Variants in NAV1 observed in about 807,000 individuals in gnomAD.
The protein encoded by NAV1 is pore membrane and/or filament interacting like protein 3.
Under a neutral mutation model 175.2 loss-of-function variants are expected in NAV1, and 18 were observed. The ratio of observed to expected loss-of-function variants is 0.10; its 90% CI spans 0.07 to 0.15. The LOEUF (loss-of-function observed/expected upper bound fraction) is 0.15, where lower values mean the gene tolerates loss of function less well. Among genes scored for constraint, NAV1 ranks in the 10% least tolerant of loss-of-function variants. The probability of loss-of-function intolerance (pLI) is 1.00; values close to 1 mark genes in which losing one functional copy is unlikely to be tolerated. For synonymous variants in NAV1, 897 were observed against 978.7 expected (o/e 0.92, Z 1.56); for missense variants, 1,731 against 2,436.6 (o/e 0.71, Z 6.10).
chr1:201,658,672 GA>G (rs776931926), intron 1 of NAV1, among the ~76,000 whole-genome samples: 16 of 152,146 alleles, frequency 1.1e-4, no homozygotes, highest in Non-Finnish European at 2.1e-4. Context: ...GAGTGGAAGA[GA>G]CCAATCAAAG....
intron 3 of NAV1, among the ~76,000 whole-genome samples, chr1:201,743,328 T>C (rs74741205): frequency 1.3e-5 from 2 of 152,196 alleles, no homozygotes; most frequent in Admixed American, 6.5e-5. Flanking sequence ...GCGACTTTAG[T>C]TGGAATGAGG....
At chr1:201,623,166 C>T (rs1293339898) in exon 1 of NAV1, 3 of 985,846 alleles carry the variant, frequency 3.0e-6, no homozygotes, top group Non-Finnish European at 3.6e-6. Flanking sequence ...ATGGGGAAGG[C>T]CCCTTCAGCT....
intron 2 of NAV1, among the ~76,000 whole-genome samples, chr1:201,713,778 C>A (rs995265411): frequency 1.1e-4 from 17 of 152,118 alleles, no homozygotes; most frequent in African/African-American, 4.1e-4. Flanking sequence ...GAAGTAGATT[C>A]CTCTCCAACT....
intron 1 of NAV1, among the ~76,000 whole-genome samples, chr1:201,545,130 C>T (rs1335218035): frequency 6.6e-6 from 1 of 152,324 alleles, no homozygotes; most frequent in East Asian, 1.9e-4. Context: ...TGCCTTACTC[C>T]TGGGACAATG....
chr1:201,696,582 C>A (rs189787764), intron 1 of NAV1, among the ~76,000 whole-genome samples: 2 of 152,354 alleles, frequency 1.3e-5, no homozygotes, highest in Admixed American at 6.5e-5. Context: ...TCCCTGTCTT[C>A]TGGCAGTTCT....
intron 2 of NAV1, among the ~76,000 whole-genome samples, chr1:201,591,904 C>A (rs985574029): frequency 6.6e-6 from 1 of 152,164 alleles, no homozygotes; most frequent in Admixed American, 6.5e-5. Flanking sequence ...TTGATTGCAG[C>A]CCCTACTCAG....
At chr1:201,706,622 T>C (rs1671681655) in intron 1 of NAV1, among the ~76,000 whole-genome samples, 1 of 152,202 alleles carries the variant, frequency 6.6e-6, no homozygotes, top group South Asian at 2.1e-4. Flanking sequence ...GTGCCATGAC[T>C]TGAAAACATT....
intron 17 of NAV1, among the ~76,000 whole-genome samples, chr1:201,806,518 T>C (rs990533939): frequency 3.3e-5 from 5 of 152,174 alleles, no homozygotes; most frequent in African/African-American, 1.2e-4. Flanking sequence ...CAGCTTGTCA[T>C]AGGATCTCTT....
intron 1 of NAV1, among the ~76,000 whole-genome samples, chr1:201,552,833 C>T (rs771732990): frequency 3.3e-5 from 5 of 152,170 alleles, no homozygotes; most frequent in African/African-American, 7.2e-5. Flanking sequence ...GACTATACTT[C>T]GGGGTAGATT....
At position 201,819,828 on chromosome 1, in the gene NAV1, C is replaced by G; in HGVS notation, c.5539-9C>G. 1 of 1,613,372 alleles carries G rather than the reference C, an allele frequency of 6.2e-7. No homozygotes were observed. Among genetic ancestry groups the G allele is most frequent in the Non-Finnish European group, 8.5e-7 (1 of 1,179,494 alleles). On this transcript the variant is annotated splice_polypyrimidine_tract_variant and intron_variant, in intron 29 of 29. Transcript: ENST00000367296. ...ACTCTCATAAATCCATCTTTTTGCC[C>G]CCCTTTAGATGGCCATGCTGCTGAA...
chr1:201,582,852 C>A (rs1337147577), intron 1 of NAV1, among the ~76,000 whole-genome samples: 1 of 152,202 alleles, frequency 6.6e-6, no homozygotes, highest in Non-Finnish European at 1.5e-5. Flanking sequence ...TGGCTAGGAG[C>A]CAGGTCTATT....
At chr1:201,727,922 A>G (rs916089181) in intron 3 of NAV1, among the ~76,000 whole-genome samples, 1 of 152,142 alleles carries the variant, frequency 6.6e-6, no homozygotes, top group Non-Finnish European at 1.5e-5. Context: ...GCTGAGAGGA[A>G]TTCCTGAGTT....
intron 1 of NAV1, among the ~76,000 whole-genome samples, chr1:201,554,999 T>C (rs987777837): frequency 6.6e-6 from 1 of 152,218 alleles, no homozygotes; most frequent in Non-Finnish European, 1.5e-5. Flanking sequence ...CACCGCTGCA[T>C]GGCCATCTCC....
At chr1:201,624,904 G>A (rs989636183) in intron 1 of NAV1, among the ~76,000 whole-genome samples, 1 of 152,204 alleles carries the variant, frequency 6.6e-6, no homozygotes, top group African/African-American at 2.4e-5. Flanking sequence ...AGCGGCTGGA[G>A]GTGGGGGTAG....
intron 2 of NAV1, among the ~76,000 whole-genome samples, chr1:201,609,738 C>T (rs563070779): frequency 9.9e-5 from 15 of 152,248 alleles, no homozygotes; most frequent in Non-Finnish European, 1.6e-4. Flanking sequence ...CCCAAGGTTC[C>T]GCTTACCTCT....
At chr1:201,586,641 T>G (rs1571833637) in intron 1 of NAV1, among the ~76,000 whole-genome samples, 1 of 149,568 alleles carries the variant, frequency 6.7e-6, no homozygotes, top group African/African-American at 2.5e-5. Flanking sequence ...CACATGGGGG[T>G]GGGAGAGGAA....
At position 201,751,712 on chromosome 1, in the gene NAV1, AG is replaced by A. The variant is rs1396853490; in HGVS notation, c.1227-28707del. Among the ~76,000 whole-genome samples the A allele has an allele frequency of 6.6e-5, 10 of 152,334 alleles. No homozygotes were observed. In the East Asian group the frequency reaches 1.9e-3, roughly 29 times the overall value. On this transcript the variant is annotated intron_variant, in intron 3 of 29. Transcript: ENST00000367296. ...TGGTAAAGCTGGCATTTACAGGTTAAGGTTTGAGAAGTTTAAATCCTTTCAG... is the reference window on the plus strand; with the variant it reads ...TGGTAAAGCTGGCATTTACAGGTTAAGTTTGAGAAGTTTAAATCCTTTCAG...
chr1:201,718,878 A>G lies in NAV1; in HGVS notation c.1226+123A>G, dbSNP rs1476731569. ...GTTTGCTGTGCTGCTATGAAAGTAC[A>G]CAAAAGTGTGCTGTGTACACTTTGT... On this transcript the variant is annotated intron_variant, in intron 3 of 29. Transcript: ENST00000367296. The surrounding 1 kb of genome is among the most constrained non-coding windows in gnomAD (Gnocchi z 4.8). The G allele has an allele frequency of 4.8e-6, 6 of 1,249,396 alleles. No individual in the cohort carries two copies. Among genetic ancestry groups the G allele is most frequent in the Admixed American group, 2.2e-5 (1 of 45,392 alleles). 77.4% of individuals were successfully genotyped at this position (1,249,396 alleles called of 1,614,324 possible).
At chr1:201,682,157 A>ATGCC (rs1036488526) in intron 1 of NAV1, among the ~76,000 whole-genome samples, 1 of 149,336 alleles carries the variant, frequency 6.7e-6, no homozygotes, top group Non-Finnish European at 1.5e-5. Flanking sequence ...ATGGTGGCAC[A>ATGCC]TGCCTGTAAT....
Sources: gnomAD v4.1 joint callset for allele counts (sites outside exome capture counted in the v4.1 genomes callset) on GRCh38, gnomAD v4.1.1 for gene constraint, Gnocchi (gnomAD v3.1) non-coding constraint, MANE v1.5 for transcripts, NCBI Gene and HGNC (gene_info 2026-07-23, HGNC 2026-07-21) for gene names.